The following DCTD variants were observed in gnomAD, a reference collection of about 807,000 sequenced individuals.
DCTD encodes the protein dCMP deaminase.
DCTD carries 23 observed loss-of-function variants against 21.0 expected under a neutral mutation model. That is an observed-to-expected ratio of 1.09 (90% CI 0.79 to 1.55). The LOEUF (loss-of-function observed/expected upper bound fraction) is 1.55. DCTD is among the 40% of genes most tolerant of loss of function. The pLI is 0.00. For synonymous variants in DCTD, 71 were observed against 81.1 expected, an observed-to-expected ratio of 0.88 and a Z score of 0.67; for missense variants, 224 against 230.0, an observed-to-expected ratio of 0.97 and a Z score of 0.17.
At chr4:182,902,363 A>G (rs1735895118) in intron 3 of DCTD, among the ~76,000 whole-genome samples, 2 of 152,360 alleles carry the variant, frequency 1.3e-5, no homozygotes, top group African/African-American at 2.4e-5. Flanking sequence ...TAAAGCAGCA[A>G]TCTGGCTCAT....
chr4:182,895,845 G>C (rs993962315), intron 3 of DCTD, among the ~76,000 whole-genome samples: 23 of 152,342 alleles, frequency 1.5e-4, no homozygotes, highest in Admixed American at 3.9e-4. Flanking sequence ...GGCCTGGGCT[G>C]TGGCTTGGGC....
At chr4:182,895,839 T>C (rs1734635422) in intron 3 of DCTD, among the ~76,000 whole-genome samples, 1 of 152,248 alleles carries the variant, frequency 6.6e-6, no homozygotes, top group African/African-American at 2.4e-5. Context: ...TGTGATGGCC[T>C]GGGCTGTGGC....
intron 1 of DCTD, chr4:182,915,960 A>C: frequency 1.1e-6 from 1 of 880,436 alleles, no homozygotes; most frequent in Non-Finnish European, 1.4e-6. Context: ...TAGATTCCAG[A>C]CATTGTTAAA....
intron 1 of DCTD, chr4:182,916,281 T>C (rs1400203387): frequency 1.4e-6 from 1 of 705,528 alleles, no homozygotes; most frequent in East Asian, 1.3e-4. Flanking sequence ...TGGAACGTAG[T>C]TTACCAGGGG....
intron 2 of DCTD, 59 bp downstream of exon 2, chr4:182,915,402 A>G: frequency 8.8e-7 from 1 of 1,138,044 alleles, no homozygotes; most frequent in Non-Finnish European, 1.3e-6. Context: ...CTTTCTGCTC[A>G]TGTGCAGTAA....
intron 3 of DCTD, among the ~76,000 whole-genome samples, chr4:182,910,722 G>C (rs1202212224): frequency 2.6e-5 from 4 of 152,148 alleles, no homozygotes; most frequent in Non-Finnish European, 5.9e-5. Context: ...GGAATAAAAA[G>C]CTTCTTTAGC....
chr4:182,907,090 G>A (rs919160894), intron 3 of DCTD, among the ~76,000 whole-genome samples: 12 of 152,154 alleles, frequency 7.9e-5, no homozygotes, highest in South Asian at 2.1e-4. Flanking sequence ...AGTTTTCAGC[G>A]TGTCCCATGT....
intron 3 of DCTD, among the ~76,000 whole-genome samples, chr4:182,907,238 C>G (rs1736880971): frequency 6.6e-6 from 1 of 152,148 alleles, no homozygotes. Context: ...CGAGCTCAAG[C>G]AATCCTCCCA....
rs765269080 is a variant in DCTD at position 182,914,923 on chromosome 4, C to T, written c.244G>A (p.Val82Met). 13 of 1,614,090 alleles carry T rather than the reference C, an allele frequency of 8.1e-6. No homozygotes were observed. Among genetic ancestry groups the T allele is most frequent in the South Asian group, 2.2e-5 (2 of 91,090 alleles). Residue 82 changes from valine to methionine, a missense_variant and splice_region_variant, in exon 3 of 6, where the codon GTG becomes ATG. Physicochemically the swap from Val to Met is conservative, Grantham distance 21. Coordinates refer to ENST00000438320, the MANE Select transcript of DCTD (RefSeq NM_001921.3). Reference protein sequence around the residue: ...ENKLDTKYPYVCHAELNAIMN... With the variant: ...ENKLDTKYPYMCHAELNAIMN... Reference sequence around the variant, plus strand: ...GAATGGGACATAAAACTTGCCCTACCGTACGGGTATTTGGTGTCCAGCTTA... The same window carrying T: ...GAATGGGACATAAAACTTGCCCTACTGTACGGGTATTTGGTGTCCAGCTTA...
At chr4:182,916,720 T>C (rs979337151) in intron 1 of DCTD, 2 of 1,062,774 alleles carry the variant, frequency 1.9e-6, no homozygotes, top group East Asian at 1.0e-4. Flanking sequence ...GCTGGAGAAG[T>C]ACCTACTAAA....
chr4:182,911,076 A>G (rs1459607655), intron 3 of DCTD: 1 of 152,216 alleles, frequency 6.6e-6, no homozygotes, highest in Non-Finnish European at 1.5e-5. Flanking sequence ...GCTGAGAAAC[A>G]ATGGACATTT....
At chr4:182,916,561 G>C (rs1738770062) in intron 1 of DCTD, 10 of 989,416 alleles carry the variant, frequency 1.0e-5, no homozygotes, top group Non-Finnish European at 1.2e-5. Context: ...ATGCAGTGGA[G>C]AGTGGGTGCT....
chr4:182,891,256 A>G lies in DCTD; in HGVS notation c.*143T>C, dbSNP rs1320934531. The G allele has an allele frequency of 3.0e-6, 2 of 667,352 alleles. No homozygotes were observed. Among genetic ancestry groups the G allele is most frequent in the East Asian group, 5.0e-5 (2 of 40,088 alleles). 41.3% of individuals were successfully genotyped at this position (667,352 alleles called of 1,614,324 possible). A position where few individuals can be genotyped will look rare whatever the true frequency, so the allele number is the denominator to read the frequency against. On this transcript the variant is annotated 3_prime_UTR_variant, in exon 6 of 6. Transcript: ENST00000438320. ...CATGTGACAAGAGAGACAGTAAGGA[A>G]GATTTGAGGCTTTATATTCTTTAGA... is the stretch of plus-strand genomic sequence containing the variant.
chr4:182,908,037 A>T (rs2709339), intron 3 of DCTD, among the ~76,000 whole-genome samples: 9,308 of 125,436 alleles, frequency 0.074, 360 homozygotes, highest in Non-Finnish European at 0.11. Flanking sequence ...TATCCAGATT[A>T]AAAAAAAAAA....
At position 182,917,217 on chromosome 4, in the gene DCTD, A is replaced by C; in HGVS notation, c.-8+94T>G. The C allele has an allele frequency of 1.0e-6, 1 of 995,406 alleles. No individual in the cohort carries two copies. The highest frequency in any genetic ancestry group is 1.2e-6 in the Non-Finnish European group (1 of 837,484). 61.7% of individuals were successfully genotyped at this position (995,406 alleles called of 1,614,324 possible). ...CCGCGGCCCCAGGCCCCCGCCCGGC[A>C]GCCAGCGCCCCGCGCCACGCGCTCG... On this transcript the variant is annotated intron_variant, in intron 1 of 5. Coordinates refer to ENST00000438320, the MANE Select transcript of DCTD (RefSeq NM_001921.3). This position sits in a 1 kb window ranked among gnomAD's most constrained non-coding sequence, Gnocchi z 4.9.
chr4:182,900,335 A>G (rs1476579084), intron 3 of DCTD, among the ~76,000 whole-genome samples: 1 of 152,060 alleles, frequency 6.6e-6, no homozygotes, highest in Non-Finnish European at 1.5e-5. Flanking sequence ...AAAAAGTTTC[A>G]GATTTTGATT....
intron 3 of DCTD, among the ~76,000 whole-genome samples, chr4:182,899,147 C>A (rs1049845264): frequency 1.6e-4 from 24 of 152,162 alleles, no homozygotes; most frequent in African/African-American, 5.8e-4. Flanking sequence ...CTGATGAGAG[C>A]CAGCTCCACA....
At chr4:182,902,371 C>T (rs906262842) in intron 3 of DCTD, among the ~76,000 whole-genome samples, 1 of 152,194 alleles carries the variant, frequency 6.6e-6, no homozygotes, top group African/African-American at 2.4e-5. Context: ...CAATCTGGCT[C>T]ATTATCAAGG....
chr4:182,892,437 G>A (rs996237229), intron 5 of DCTD, among the ~76,000 whole-genome samples: 1 of 152,092 alleles, frequency 6.6e-6, no homozygotes, highest in South Asian at 2.1e-4. Context: ...GGAGGCTGAG[G>A]CAGGCAGCTC....
Sources: gnomAD v4.1 joint callset for allele counts (sites outside exome capture counted in the v4.1 genomes callset) on GRCh38, gnomAD v4.1.1 for gene constraint, Gnocchi (gnomAD v3.1) non-coding constraint, MANE v1.5 for transcripts, NCBI Gene and HGNC (gene_info 2026-07-23, HGNC 2026-07-21) for gene names.